The following AXIN2 variants were observed in gnomAD, a reference collection of about 807,000 sequenced individuals.
AXIN2 encodes axin 2.
A neutral mutation model predicts 74.7 loss-of-function variants in AXIN2; 21 were observed. The ratio of observed to expected loss-of-function variants is 0.28; its 90% CI spans 0.20 to 0.40. The LOEUF (loss-of-function observed/expected upper bound fraction) is 0.40, where lower values mean the gene tolerates loss of function less well. Among genes scored for constraint, AXIN2 ranks in the 10% least tolerant of loss-of-function variants. The probability of loss-of-function intolerance (pLI) is 1.00; values close to 1 mark genes in which losing one functional copy is unlikely to be tolerated. For synonymous variants in AXIN2, 532 were observed against 454.9 expected (o/e 1.17, Z -2.16); for missense variants, 1,144 against 1,111.1 (o/e 1.03, Z -0.42).
At chr17:65,551,300 TAAAGGGAAA>T (rs36202466) in intron 2 of AXIN2, among the ~76,000 whole-genome samples, 151,519 of 151,570 alleles carry the variant, frequency 1, 75,735 homozygotes, top group Middle Eastern at 1. Context: ...CAGGACTAGG[TAAAGGGAAA>T]AAAGGGAAAG....
chr17:65,560,397 A>G (rs2044347986), intron 1 of AXIN2: 1 of 84,164 alleles, frequency 1.2e-5, no homozygotes, highest in African/African-American at 4.6e-5. Context: ...GAGAAGTAGG[A>G]GGAGAGGATG....
chr17:65,536,648 T>A, intron 7 of AXIN2, 95 bp from the exon 8 acceptor site: 1 of 1,481,402 alleles, frequency 6.8e-7, no homozygotes. Flanking sequence ...TCTATTCTGC[T>A]CAGAGAGAGA....
At chr17:65,538,028 C>T (rs1253496262) in intron 5 of AXIN2, 175 bp downstream of exon 5, 24 of 1,358,100 alleles carry the variant, frequency 1.8e-5, no homozygotes, top group Middle Eastern at 2.4e-4. Flanking sequence ...CCACACGCAA[C>T]CCATGCACAT....
chr17:65,555,057 T>C (rs957763324), intron 2 of AXIN2, among the ~76,000 whole-genome samples: 2 of 152,102 alleles, frequency 1.3e-5, no homozygotes, highest in Admixed American at 6.5e-5. Context: ...TGAGGATAAT[T>C]CCTGCTCTTC....
At chr17:65,533,668 A>G (rs2043859996) in intron 10 of AXIN2, among the ~76,000 whole-genome samples, 1 of 152,152 alleles carries the variant, frequency 6.6e-6, no homozygotes, top group South Asian at 2.1e-4. Flanking sequence ...CACCTGGTGG[A>G]AAGAGCCTGG....
chr17:65,557,958 C>T lies in AXIN2; in HGVS notation c.663G>A (p.Val221=), dbSNP rs2044295743. 6.2e-7 allele frequency: 1 copy of T among 1,614,088 alleles called. No individual in the cohort carries two copies. The highest frequency in any genetic ancestry group is 1.3e-5 in the African/African-American group (1 of 74,924). ...CATTCAAGGTGGGGAGATAGCCACA[C>T]ACGACCTTTAGGCTCCCGAGTCCCC... ...SNGGLGSLKV[V]CGYLPTLNEE... Residue 221 remains valine (V), a synonymous_variant, in exon 2 of 11, where the codon GTG becomes GTA. Transcript: ENST00000307078.
At chr17:65,547,083 A>C (rs1415768809) in intron 3 of AXIN2, among the ~76,000 whole-genome samples, 2 of 152,168 alleles carry the variant, frequency 1.3e-5, no homozygotes, top group African/African-American at 4.8e-5. Flanking sequence ...TGCTTCAGCT[A>C]AAGGGGGAAG....
chr17:65,557,080 C>T (rs1051566630), intron 2 of AXIN2, among the ~76,000 whole-genome samples: 1 of 152,134 alleles, frequency 6.6e-6, no homozygotes, highest in African/African-American at 2.4e-5. Context: ...CCAGTACTCC[C>T]GGGCCAAGAT....
chr17:65,552,789 G>T (rs1057332718), intron 2 of AXIN2, among the ~76,000 whole-genome samples: 45 of 152,306 alleles, frequency 3.0e-4, no homozygotes, highest in African/African-American at 1.0e-3. Context: ...AGCACTTTGG[G>T]AGGCCGAGAT....
At position 65,534,014 on chromosome 17, in the gene AXIN2, T is replaced by A. The variant is rs764845153; in HGVS notation, c.2303A>T (p.Tyr768Phe). 1.2e-6 allele frequency: 2 copies of A among 1,614,100 alleles called. No individual in the cohort carries two copies. The highest frequency in any genetic ancestry group is 3.3e-5 in the Admixed American group (2 of 60,012). ...ALQASELVVTYFFCGEEIPYR... is the reference protein window; with the variant it reads ...ALQASELVVTFFFCGEEIPYR... ...TGGAATTTCTTCCCCACAGAAAAAG[T>A]AAGTGACAACCAACTCACTGGCCTG... The change falls in exon 10 of 11, where the codon TAC becomes TTC. Residue 768 changes from tyrosine (Y) to phenylalanine (F), a missense_variant. By Grantham distance (22) the Tyr-to-Phe change is conservative. Around this residue, in one of 4 missense-constraint regions of AXIN2, gnomAD observed 1,053 missense variants for 973.5 expected, o/e 1.08. Coordinates refer to ENST00000307078, the MANE Select transcript of AXIN2 (RefSeq NM_004655.4).
chr17:65,558,925 C>G (rs1273072956), intron 1 of AXIN2, among the ~76,000 whole-genome samples, 189 bp from the exon 2 acceptor site: 2 of 152,118 alleles, frequency 1.3e-5, no homozygotes, highest in East Asian at 3.8e-4. Context: ...AAAGCGAAAT[C>G]TGAGCTCCCT....
chr17:65,537,055 C>T lies in AXIN2; in HGVS notation c.1721G>A (p.Arg574Lys), dbSNP rs1425391968. Residue 574 changes from arginine to lysine, a missense_variant, in exon 7 of 11, where the codon AGA becomes AAA. Transcript: ENST00000307078. ...TMPSEQFGGS[R>K]GSTLPKRNGK... ...ATTGCGTTTGGGCAAGGTACTGCCT[C>T]TGCTGCCGCTGTGGGGAACCAAGAA... The T allele has an allele frequency of 3.1e-6, 5 of 1,604,568 alleles. No homozygotes were observed. Among genetic ancestry groups the T allele is most frequent in the Non-Finnish European group, 4.2e-6 (5 of 1,179,278 alleles).
intron 2 of AXIN2, among the ~76,000 whole-genome samples, chr17:65,555,834 A>G (rs971417238): frequency 9.9e-5 from 15 of 152,114 alleles, no homozygotes; most frequent in African/African-American, 3.1e-4. Context: ...TCATCTGGCT[A>G]TGTCTTAAAT....
At chr17:65,533,786 G>C in intron 10 of AXIN2, 126 bp downstream of exon 10, 1 of 1,063,558 alleles carries the variant, frequency 9.4e-7, no homozygotes, top group Non-Finnish European at 1.4e-6. Flanking sequence ...GCCTCCCCCA[G>C]CGCCTGCTGA....
In AXIN2 at chr17:65,537,614, A is replaced by ATGGTGG. The variant is rs570443161; in HGVS notation, c.1416_1421dup (p.His473_His474dup). ...GCGGGAGCAGGGAGTGGTACTGCGAATGGTGGTGGTGGTGGTGGTCCGGGG... is the reference window on the plus strand; with the variant it reads ...GCGGGAGCAGGGAGTGGTACTGCGAATGGTGGTGGTGGTGGTGGTGGTGGTCCGGGG... On this transcript the variant is annotated inframe_insertion, in exon 6 of 11. Coordinates refer to ENST00000307078, the MANE Select transcript of AXIN2 (RefSeq NM_004655.4). 15 of 1,580,654 alleles carry ATGGTGG rather than the reference A, an allele frequency of 9.5e-6. No homozygotes were observed. The highest frequency in any genetic ancestry group is 6.8e-5 in the East Asian group (3 of 44,224).
At position 65,538,302 on chromosome 17, in the gene AXIN2, G is replaced by A. The variant is rs141697521; in HGVS notation, c.1101C>T (p.Pro367=). ...AGATCAGCTCAGCTGCAAAGGTGGC[G>A]GGTTCCACGGGGGTCATCTCCTTGG... ...RLPKEMTPVE[P]ATFAAELISR... The change falls in exon 5 of 11, where the codon CCC becomes CCT. Residue 367 remains proline (P), a synonymous_variant. Transcript: ENST00000307078. 1,090 of 1,614,212 alleles carry A rather than the reference G, an allele frequency of 6.8e-4. 1 individual carries two copies. Among genetic ancestry groups the A allele is most frequent in the Middle Eastern group, 2.6e-3 (16 of 6,062 alleles).
intron 2 of AXIN2, among the ~76,000 whole-genome samples, chr17:65,550,700 C>T (rs2044179164): frequency 6.6e-6 from 1 of 152,174 alleles, no homozygotes; most frequent in South Asian, 2.1e-4. Context: ...TTCTATTAGT[C>T]CACAGCAGCT....
intron 2 of AXIN2, among the ~76,000 whole-genome samples, chr17:65,555,799 T>C (rs1274958265): frequency 6.6e-6 from 1 of 152,090 alleles, no homozygotes; most frequent in East Asian, 1.9e-4. Context: ...CACTCGAATA[T>C]CTTGCACGTT....
chr17:65,548,217 C>A (rs2044143431), intron 3 of AXIN2, among the ~76,000 whole-genome samples: 1 of 152,182 alleles, frequency 6.6e-6, no homozygotes, highest in Non-Finnish European at 1.5e-5. Flanking sequence ...TTCAAACTTT[C>A]ACCTTGAGGA....
Sources: allele counts gnomAD v4.1 joint callset (sites outside exome capture counted in the v4.1 genomes callset), GRCh38; gene constraint gnomAD v4.1.1; regional missense constraint gnomAD v4.1.1; transcripts MANE v1.5; gene names NCBI Gene and HGNC (gene_info 2026-07-23, HGNC 2026-07-21).